PXYLP1: variants seen among roughly 807,000 people sequenced by gnomAD.
PXYLP1 encodes the protein acid phosphatase-like 2.
Under a neutral mutation model 37.9 loss-of-function variants are expected in PXYLP1, and 17 were observed. The ratio of observed to expected loss-of-function variants is 0.45; its 90% CI spans 0.31 to 0.67. The LOEUF (loss-of-function observed/expected upper bound fraction) is 0.67, where lower values mean the gene tolerates loss of function less well. Among genes scored for constraint, PXYLP1 ranks in the 30% least tolerant of loss-of-function variants. The pLI is 0.07. For missense variants in PXYLP1, 511 were observed against 612.0 expected, an observed-to-expected ratio of 0.84 and a Z score of 1.74; for synonymous variants, 221 against 232.2, an observed-to-expected ratio of 0.95 and a Z score of 0.44.
chr3:141,260,779 C>T (rs1382689701), intron 2 of PXYLP1, among the ~76,000 whole-genome samples: 1 of 152,260 alleles, frequency 6.6e-6, no homozygotes, highest in Non-Finnish European at 1.5e-5. Context: ...GCATCCTCCA[C>T]TGAGATTCCT....
In PXYLP1 at chr3:141,249,213, G is replaced by A. The variant is rs186409363; in HGVS notation, c.-53-10910G>A. Among the ~76,000 whole-genome samples, 88 of 152,322 alleles carry A rather than the reference G, an allele frequency of 5.8e-4. No individual in the cohort carries two copies. In the South Asian group the frequency reaches 0.012, roughly 20 times the overall value. On this transcript the variant is annotated intron_variant, in intron 1 of 5. Transcript: ENST00000286353. ...TGGTGCCCCACTCCTCTTCATGAAT[G>A]AGTCATAGAATCACCTGCCAGTGAG...
At chr3:141,274,735 C>G (rs1941750538) in intron 2 of PXYLP1, 8 of 692,646 alleles carry the variant, frequency 1.2e-5, no homozygotes, top group Admixed American at 1.0e-4. Flanking sequence ...CTGGGACACC[C>G]CTGCTTGCAT....
At chr3:141,238,400 G>A (rs1261414737) in intron 1 of PXYLP1, among the ~76,000 whole-genome samples, 3 of 152,302 alleles carry the variant, frequency 2.0e-5, no homozygotes, top group Admixed American at 1.3e-4. Flanking sequence ...ATGGGCTGTC[G>A]ACCAGAAAAT....
chr3:141,292,657 CTCTGCCACT>C lies in PXYLP1; in HGVS notation c.904_912del (p.Phe302_His304del). 3 of 1,613,404 alleles carry C rather than the reference CTCTGCCACT, an allele frequency of 1.9e-6. No homozygotes were observed. Among genetic ancestry groups the C allele is most frequent in the Non-Finnish European group, 2.5e-6 (3 of 1,179,640 alleles). Reference sequence around the variant, plus strand: ...AGCTGCCAACCCCATAGACTCCATGCTCTGCCACTTCTGCCACAATGTCAGCTTTCCCTG... The same window carrying C: ...AGCTGCCAACCCCATAGACTCCATGCTCTGCCACAATGTCAGCTTTCCCTG... On this transcript the variant is annotated inframe_deletion, in exon 6 of 6. Transcript: ENST00000286353. The surrounding 1 kb of genome is among the most constrained non-coding windows in gnomAD (Gnocchi z 4.3).
intron 2 of PXYLP1, among the ~76,000 whole-genome samples, chr3:141,268,202 AGAGAGT>A (rs1454746060): frequency 1.2e-3 from 44 of 37,428 alleles, no homozygotes; most frequent in African/African-American, 1.6e-3. Flanking sequence ...AGAGAGAGAG[AGAGAGT>A]GTGTGTGTGT....
In PXYLP1 at chr3:141,279,435, A is replaced by T; in HGVS notation, c.296A>T (p.Asp99Val). ...GTGCATGTGTTCATTCGCCACGGAGACAGGTACCCACTGTATGTCATTCCC... is the reference window on the plus strand; with the variant it reads ...GTGCATGTGTTCATTCGCCACGGAGTCAGGTACCCACTGTATGTCATTCCC... ...VSVHVFIRHG[D>V]RYPLYVIPKT... The change falls in exon 4 of 6, where the codon GAC becomes GTC. Residue 99 changes from aspartate to valine, a missense_variant. Transcript: ENST00000286353. 6.2e-7 allele frequency: 1 copy of T among 1,614,264 alleles called. No individual in the cohort carries two copies. The highest frequency in any genetic ancestry group is 8.5e-7 in the Non-Finnish European group (1 of 1,180,050).
chr3:141,270,548 C>T (rs897582952), intron 2 of PXYLP1, among the ~76,000 whole-genome samples: 2 of 152,130 alleles, frequency 1.3e-5, no homozygotes, highest in African/African-American at 2.4e-5. Flanking sequence ...TGACAGAGCG[C>T]GTCATTATTC....
Position 141,292,499 on chromosome 3 carries a change from A to C in PXYLP1, c.737A>C (p.Tyr246Ser), listed in dbSNP as rs907313228. The C allele has an allele frequency of 1.9e-6, 3 of 1,614,042 alleles. No individual in the cohort carries two copies. In the African/African-American group the frequency reaches 4.0e-5, roughly 22 times the overall value. ...PSALFCSGSC[Y>S]CPVRNQYLEK... ...GCGCTGTTCTGCTCTGGAAGCTGCTATTGCCCGGTAAGAAACCAGTATCTG... is the reference window on the plus strand; with the variant it reads ...GCGCTGTTCTGCTCTGGAAGCTGCTCTTGCCCGGTAAGAAACCAGTATCTG... The change falls in exon 6 of 6, where the codon TAT (tyrosine) becomes TCT (serine). Residue 246 changes from tyrosine to serine, a missense_variant. Transcript: ENST00000286353. The surrounding 1 kb of genome is among the most constrained non-coding windows in gnomAD (Gnocchi z 4.3).
chr3:141,253,218 G>A (rs1941183972), intron 1 of PXYLP1, among the ~76,000 whole-genome samples: 1 of 152,184 alleles, frequency 6.6e-6, no homozygotes, highest in South Asian at 2.1e-4. Context: ...ACACCTTGAG[G>A]TCAGTGGGGA....
At chr3:141,248,490 CGT>C (rs201332964) in intron 1 of PXYLP1, among the ~76,000 whole-genome samples, 3,461 of 127,798 alleles carry the variant, frequency 0.027, 141 homozygotes, top group African/African-American at 0.11. Context: ...AATATGTGTG[CGT>C]GTGTGTATAT....
chr3:141,283,264 G>C (rs533949939), intron 4 of PXYLP1, among the ~76,000 whole-genome samples: 1 of 152,080 alleles, frequency 6.6e-6, no homozygotes, highest in South Asian at 2.1e-4. Flanking sequence ...TTACAGGTGT[G>C]AGCCACCCTG....
At chr3:141,253,730 G>A (rs1173107185) in intron 1 of PXYLP1, among the ~76,000 whole-genome samples, 3 of 149,648 alleles carry the variant, frequency 2.0e-5, no homozygotes, top group Non-Finnish European at 4.4e-5. Context: ...GACATACACA[G>A]AAGCAGAGAG....
intron 2 of PXYLP1, 119 bp from the exon 3 acceptor site, chr3:141,278,223 C>T (rs1941844648): frequency 1.7e-6 from 2 of 1,171,212 alleles, no homozygotes; most frequent in South Asian, 1.5e-5. Flanking sequence ...CACTGAAGTG[C>T]ACCTTGATTC....
At chr3:141,287,574 C>T (rs1184152258) in intron 5 of PXYLP1, 121 bp downstream of exon 5, 3 of 1,156,866 alleles carry the variant, frequency 2.6e-6, no homozygotes, top group African/African-American at 1.6e-5. Context: ...AGGACTGGCT[C>T]TGCAAGGAGC....
rs1941063765 is a variant in PXYLP1 at position 141,248,764 on chromosome 3, CACGT to C, written c.-53-11358_-53-11355del. Among the ~76,000 whole-genome samples the C allele has an allele frequency of 1.4e-4, 7 of 49,208 alleles. 3 individuals carry two copies. Among genetic ancestry groups the C allele is most frequent in the Non-Finnish European group, 2.7e-4 (6 of 22,540 alleles). 32.3% of individuals were successfully genotyped at this position (49,208 alleles called of 152,430 possible). On this transcript the variant is annotated intron_variant, in intron 1 of 5. Coordinates refer to ENST00000286353, the MANE Select transcript of PXYLP1 (RefSeq NM_001037172.3). ...ATATACACACGTATATATATACACACACGTGTATATATACACACGTATATATATA... is the reference window on the plus strand; with the variant it reads ...ATATACACACGTATATATATACACACGTATATATACACACGTATATATATA...
chr3:141,246,841 G>A lies in PXYLP1; in HGVS notation c.-53-13282G>A, dbSNP rs374284673. Among the ~76,000 whole-genome samples the A allele has an allele frequency of 5.9e-5, 9 of 152,306 alleles. No homozygotes were observed. The East Asian group carries it at 1.7e-3, about 29-fold the overall frequency. Reference sequence around the variant, plus strand: ...TCCTCATAGTCTGGAGGTAGACCAGGCCCAGCTGGCTGTTTCTCATACATG... The same window carrying A: ...TCCTCATAGTCTGGAGGTAGACCAGACCCAGCTGGCTGTTTCTCATACATG... On this transcript the variant is annotated intron_variant, in intron 1 of 5. Transcript: ENST00000286353.
At chr3:141,255,618 C>T (rs1047823665) in intron 1 of PXYLP1, among the ~76,000 whole-genome samples, 8 of 152,204 alleles carry the variant, frequency 5.3e-5, no homozygotes, top group Non-Finnish European at 1.0e-4. Flanking sequence ...TCCTGGCTGT[C>T]GCCTGGCATA....
chr3:141,270,929 C>T (rs904440761), intron 2 of PXYLP1, among the ~76,000 whole-genome samples: 3 of 152,154 alleles, frequency 2.0e-5, no homozygotes, highest in Admixed American at 1.3e-4. Flanking sequence ...CTCACTCTGT[C>T]ACCCAGGCTG....
In PXYLP1 at chr3:141,239,171, TTC is replaced by T. The variant is rs535444737; in HGVS notation, c.-54+7264_-54+7265del. 5.0e-4 allele frequency among the ~76,000 whole-genome samples: 76 copies of T among 152,292 alleles called. 1 individual carries two copies. The South Asian group carries it at 0.015, about 31-fold the overall frequency. ...ATTAAGGTAAAAGGGGGAAAACCCT[TTC>T]TCTGTTTTACAAATGGCTCCCCAGG... On this transcript the variant is annotated intron_variant, in intron 1 of 5. Coordinates refer to ENST00000286353, the MANE Select transcript of PXYLP1 (RefSeq NM_001037172.3).
Sources: gnomAD v4.1 joint callset for allele counts (sites outside exome capture counted in the v4.1 genomes callset) on GRCh38, gnomAD v4.1.1 for gene constraint, Gnocchi (gnomAD v3.1) non-coding constraint, MANE v1.5 for transcripts, NCBI Gene and HGNC (gene_info 2026-07-23, HGNC 2026-07-21) for gene names.